Variants in CLASP1 observed in about 807,000 individuals in gnomAD.
CLASP1 encodes the protein CLIP-associating protein 1.
A neutral mutation model predicts 192.3 loss-of-function variants in CLASP1; 38 were observed. The observed-to-expected ratio is 0.20, with a 90% CI of 0.15 to 0.26. The LOEUF (loss-of-function observed/expected upper bound fraction) is 0.26. CLASP1 is among the 10% of genes least tolerant of loss of function. The pLI is 1.00. For missense variants in CLASP1, 1,433 were observed against 1,932.5 expected (o/e 0.74, Z 4.85); for synonymous variants, 691 against 712.8 (o/e 0.97, Z 0.49).
chr2:121,450,870 T>C (rs369782700), intron 16 of CLASP1, 43 bp downstream of exon 16: 22 of 1,304,970 alleles, frequency 1.7e-5, no homozygotes, highest in South Asian at 6.1e-5. Flanking sequence ...ATGTGAAATA[T>C]AGAAGAAGTT....
intron 8 of CLASP1, among the ~76,000 whole-genome samples, chr2:121,479,338 T>C (rs778973233): frequency 6.6e-6 from 1 of 152,204 alleles, no homozygotes; most frequent in Non-Finnish European, 1.5e-5. Flanking sequence ...TCAGTGAGGT[T>C]ACAGGATATA....
At chr2:121,364,037 C>T (rs2066911587) in intron 36 of CLASP1, 1 of 152,148 alleles carries the variant, frequency 6.6e-6, no homozygotes, top group African/African-American at 2.4e-5. Context: ...GCATAACTGC[C>T]TTACGAGCCA....
chr2:121,427,326 ATTG>A, intron 21 of CLASP1, 75 bp downstream of exon 21: 1 of 1,488,580 alleles, frequency 6.7e-7, no homozygotes, highest in Non-Finnish European at 9.2e-7. Context: ...AGAAATTAAT[ATTG>A]TGCAAGGAAC....
Position 121,387,243 on chromosome 2 carries a change from A to G in CLASP1, c.3268-15T>C. The G allele has an allele frequency of 6.5e-7, 1 of 1,537,346 alleles. No homozygotes were observed. The highest frequency in any genetic ancestry group is 1.4e-5 in the African/African-American group (1 of 72,042). On this transcript the variant is annotated splice_polypyrimidine_tract_variant and intron_variant, in intron 31 of 39. Coordinates refer to ENST00000263710, the Ensembl canonical transcript of CLASP1. Reference sequence around the variant, plus strand: ...CTTGGAGAGCCCTGGGGTGAAGCAGAATAGGCATCGTTATTCAAGGGCTGT... The same window carrying G: ...CTTGGAGAGCCCTGGGGTGAAGCAGGATAGGCATCGTTATTCAAGGGCTGT...
chr2:121,426,371 G>C (rs887271190), intron 21 of CLASP1, among the ~76,000 whole-genome samples: 3 of 152,038 alleles, frequency 2.0e-5, no homozygotes, highest in Non-Finnish European at 4.4e-5. Context: ...ACATAGTTTT[G>C]AAATATAAAA....
chr2:121,373,722 A>G (rs1458485232), intron 34 of CLASP1, among the ~76,000 whole-genome samples: 1 of 152,230 alleles, frequency 6.6e-6, no homozygotes, highest in Non-Finnish European at 1.5e-5. Flanking sequence ...CCTGCCCTAC[A>G]GATCTGTGGA....
At chr2:121,402,981 G>A (rs193145292) in intron 26 of CLASP1, among the ~76,000 whole-genome samples, 5 of 152,206 alleles carry the variant, frequency 3.3e-5, no homozygotes, top group East Asian at 3.9e-4. Flanking sequence ...ACAGGTGCCC[G>A]CCACCATGCC....
chr2:121,530,694 A>G (rs1410479774), intron 2 of CLASP1: 1 of 524,318 alleles, frequency 1.9e-6, no homozygotes, highest in Non-Finnish European at 3.4e-6. Context: ...TCTGGGTAAA[A>G]CCGAGCCGCC....
chr2:121,382,047 C>T (rs1163505280), intron 33 of CLASP1, among the ~76,000 whole-genome samples, 161 bp downstream of exon 34: 1 of 152,190 alleles, frequency 6.6e-6, no homozygotes, highest in Admixed American at 6.5e-5. Flanking sequence ...AAAGATCACA[C>T]ACCTGCTCAC....
intron 1 of CLASP1, among the ~76,000 whole-genome samples, chr2:121,643,616 A>G (rs902833533): frequency 4.6e-5 from 7 of 152,180 alleles, no homozygotes; most frequent in African/African-American, 1.4e-4. Flanking sequence ...TATTATTATG[A>G]AGACATTTAT....
At chr2:121,587,338 T>TC (rs1326485148) in intron 2 of CLASP1, among the ~76,000 whole-genome samples, 3 of 152,050 alleles carry the variant, frequency 2.0e-5, no homozygotes, top group Admixed American at 6.5e-5. Flanking sequence ...CCTTAGAACA[T>TC]CCCCCTGCCT....
chr2:121,538,407 C>T (rs150867746), intron 2 of CLASP1, among the ~76,000 whole-genome samples: 5,062 of 150,256 alleles, frequency 0.034, 112 homozygotes, highest in Middle Eastern at 0.064. Context: ...AGCAAAACTC[C>T]GTCTCAAAAA....
chr2:121,470,186 T>A, intron 8 of CLASP1: 4 of 581,676 alleles, frequency 6.9e-6, no homozygotes, highest in Non-Finnish European at 1.3e-5. Flanking sequence ...ACTTTTGCAC[T>A]CAAATTTTGA....
chr2:121,521,928 T>C (rs2094466135), intron 6 of CLASP1, among the ~76,000 whole-genome samples: 1 of 152,172 alleles, frequency 6.6e-6, no homozygotes, highest in South Asian at 2.1e-4. Flanking sequence ...GAGGAACAAG[T>C]TATAATCTTA....
At chr2:121,446,740 T>C (rs1347288416) in intron 19 of CLASP1, among the ~76,000 whole-genome samples, 1 of 152,200 alleles carries the variant, frequency 6.6e-6, no homozygotes, top group African/African-American at 2.4e-5. Context: ...AAAAACTTTT[T>C]TGGGCAATCA....
chr2:121,373,199 G>C (rs2069139502), intron 34 of CLASP1, among the ~76,000 whole-genome samples: 1 of 152,152 alleles, frequency 6.6e-6, no homozygotes, highest in African/African-American at 2.4e-5. Context: ...TGGTTGTTTA[G>C]AAGTGTGTAG....
intron 1 of CLASP1, among the ~76,000 whole-genome samples, chr2:121,636,130 A>G (rs1320377295): frequency 6.6e-6 from 1 of 151,222 alleles, no homozygotes; most frequent in Non-Finnish European, 1.5e-5. Context: ...CAAGGTCAGG[A>G]GTTCAAGACG....
At chr2:121,494,485 G>A (rs1268605883) in intron 8 of CLASP1, among the ~76,000 whole-genome samples, 2 of 151,982 alleles carry the variant, frequency 1.3e-5, no homozygotes, top group Non-Finnish European at 2.9e-5. Flanking sequence ...GAGTGGGGAT[G>A]GTTAAAGGGT....
At chr2:121,417,454 G>GAA (rs386391068) in intron 23 of CLASP1, among the ~76,000 whole-genome samples, 27,906 of 141,244 alleles carry the variant, frequency 0.2, 3,376 homozygotes, top group African/African-American at 0.34. Context: ...AGTTCATTCA[G>GAA]AAAAAAAAAA....
Sources: allele counts gnomAD v4.1 joint callset (sites outside exome capture counted in the v4.1 genomes callset), GRCh38; gene constraint gnomAD v4.1.1; transcripts MANE v1.5; gene names NCBI Gene and HGNC (gene_info 2026-07-23, HGNC 2026-07-21).